KIAA1549L: variants seen among roughly 807,000 people sequenced by gnomAD.
The protein encoded by KIAA1549L is UPF0606 protein KIAA1549L.
In KIAA1549L, 88 loss-of-function variants were observed where a neutral mutation model predicts 160.7. The observed-to-expected ratio is 0.55, with a 90% CI of 0.46 to 0.65. KIAA1549L has a LOEUF of 0.65. Among genes scored for constraint, KIAA1549L ranks in the 30% least tolerant of loss-of-function variants. KIAA1549L has a pLI of 0.00. For synonymous variants in KIAA1549L, 950 were observed against 976.7 expected (o/e 0.97, Z 0.51); for missense variants, 2,258 against 2,437.5 (o/e 0.93, Z 1.55).
At chr11:33,650,706 T>G (rs544167018) in intron 17 of KIAA1549L, among the ~76,000 whole-genome samples, 1 of 152,306 alleles carries the variant, frequency 6.6e-6, no homozygotes, top group African/African-American at 2.4e-5. Flanking sequence ...GAGCTCACTC[T>G]GTCCCTTGCT....
In KIAA1549L at chr11:33,606,778, A is replaced by C. The variant is rs199776321; in HGVS notation, c.5017A>C (p.Thr1673Pro). The C allele has an allele frequency of 7.7e-4, 1,235 of 1,612,546 alleles. 12 individuals carry two copies. The Middle Eastern group carries it at 0.012, about 16-fold the overall frequency. ...KPTALPMVPP[T>P]SDRSQESSAV... ...CACAGCCCTCCCCATGGTGCCCCCC[A>C]CCTCGGACAGGAGCCAGGAGTCATC... The change falls in exon 14 of 21, where the codon ACC becomes CCC. Residue 1673 changes from threonine (T) to proline (P), a missense_variant. Thr to Pro is a conservative substitution (Grantham distance 38). Coordinates refer to ENST00000658780, the MANE Select transcript of KIAA1549L (RefSeq NM_012194.3).
rs762258815 is a variant in KIAA1549L, at chr11:33,543,238, C to T, written c.1675C>T (p.Arg559Trp). The change falls in exon 2 of 21, where the codon CGG becomes TGG. Residue 559 changes from arginine (R) to tryptophan (W), a missense_variant. By Grantham distance (101) the Arg-to-Trp change is moderately radical. Around this residue, in one of 6 missense-constraint regions of KIAA1549L, gnomAD observed 540 missense variants for 465.7 expected, o/e 1.16. Coordinates refer to ENST00000658780, the MANE Select transcript of KIAA1549L (RefSeq NM_012194.3). ...NLLSTSWTFP[R>W]WKKDSVTAIL... The stretch of plus-strand genomic sequence containing the variant: ...TCTTTCCACATCTTGGACATTTCCC[C>T]GGTGGAAAAAGGACAGTGTGACAGC... 62 of 1,613,882 alleles carry T rather than the reference C, an allele frequency of 3.8e-5. No homozygotes were observed. In the Admixed American group the frequency reaches 5.8e-4, roughly 15 times the overall value.
chr11:33,634,267 T>G (rs1851381094), intron 16 of KIAA1549L, among the ~76,000 whole-genome samples: 1 of 144,452 alleles, frequency 6.9e-6, no homozygotes. Context: ...TATCTGGAAC[T>G]CCTGACCTCA....
rs567637992 is a variant in KIAA1549L at position 33,542,319 on chromosome 11, T to A, written c.756T>A (p.Ala252=). The A allele has an allele frequency of 1.5e-6, 1 of 680,318 alleles. No homozygotes were observed. The highest frequency in any genetic ancestry group is 2.7e-5 in the East Asian group (1 of 36,762). 42.1% of individuals were successfully genotyped at this position (680,318 alleles called of 1,614,324 possible). A position where few individuals can be genotyped will look rare whatever the true frequency, so the allele number is the denominator to read the frequency against. The part of the protein sequence containing the change: ...LLPLPPSSSL[A]PDSPHSIISE... The stretch of plus-strand genomic sequence containing the variant: ...CTCTACCTCCATCCTCTTCATTGGC[T>A]CCTGACTCACCTCATTCCATCATCT... Residue 252 remains alanine (A), a synonymous_variant, in exon 2 of 21, where the codon GCT becomes GCA. Coordinates refer to ENST00000658780, the MANE Select transcript of KIAA1549L (RefSeq NM_012194.3).
At chr11:33,550,326 A>G (rs1014394403) in intron 4 of KIAA1549L, among the ~76,000 whole-genome samples, 1 of 151,070 alleles carries the variant, frequency 6.6e-6, no homozygotes, top group Non-Finnish European at 1.5e-5. Flanking sequence ...TATATTTAAT[A>G]TATAAAAACC....
chr11:33,612,557 A>G (rs1590397148), intron 15 of KIAA1549L, among the ~76,000 whole-genome samples: 1 of 151,668 alleles, frequency 6.6e-6, no homozygotes, highest in Non-Finnish European at 1.5e-5. Context: ...GCGCCCAGCC[A>G]ACCATTCTTG....
At chr11:33,614,567 TATATATATATATATA>T (rs1850749756) in intron 15 of KIAA1549L, among the ~76,000 whole-genome samples, 4 of 19,534 alleles carry the variant, frequency 2.0e-4, no homozygotes, top group African/African-American at 1.7e-3. Flanking sequence ...TATATATATA[TATATATATATATATA>T]TATTTTTTTT....
chr11:33,475,840 G>C (rs1852274191), intron 1 of KIAA1549L, among the ~76,000 whole-genome samples: 1 of 152,156 alleles, frequency 6.6e-6, no homozygotes, highest in Admixed American at 6.6e-5. Flanking sequence ...CTGGGTGACA[G>C]AGTGAGACTG....
At chr11:33,559,401 G>C (rs1038939704) in intron 6 of KIAA1549L, among the ~76,000 whole-genome samples, 21 of 152,168 alleles carry the variant, frequency 1.4e-4, no homozygotes, top group Non-Finnish European at 2.5e-4. Context: ...CAAATCACCT[G>C]GGTTCAAATC....
chr11:33,461,976 CTG>C (rs1851951336), intron 1 of KIAA1549L, among the ~76,000 whole-genome samples: 1 of 152,188 alleles, frequency 6.6e-6, no homozygotes, highest in Admixed American at 6.5e-5. Flanking sequence ...CTCTCCCATG[CTG>C]TAGTCAAAAT....
intron 8 of KIAA1549L, among the ~76,000 whole-genome samples, chr11:33,565,572 G>A (rs1198304944): frequency 1.3e-5 from 2 of 152,174 alleles, no homozygotes; most frequent in Admixed American, 6.5e-5. Flanking sequence ...CCCAAATCCA[G>A]CTCTTCCCCA....
chr11:33,522,373 T>A (rs1853516529), intron 1 of KIAA1549L, among the ~76,000 whole-genome samples: 9 of 152,224 alleles, frequency 5.9e-5, no homozygotes, highest in Admixed American at 5.9e-4. Context: ...AATTAAGAAT[T>A]AATAATAGTA....
intron 16 of KIAA1549L, among the ~76,000 whole-genome samples, chr11:33,638,864 C>A (rs1248811668): frequency 6.6e-6 from 1 of 152,074 alleles, no homozygotes; most frequent in African/African-American, 2.4e-5. Flanking sequence ...TTCCTTATTC[C>A]TAATGATGTT....
chr11:33,388,003 T>C (rs541132860), intron 1 of KIAA1549L, among the ~76,000 whole-genome samples: 75 of 152,324 alleles, frequency 4.9e-4, no homozygotes, highest in African/African-American at 1.7e-3. Flanking sequence ...TCAATCTTCA[T>C]TGGATTTTAA....
In KIAA1549L at chr11:33,568,246, A is replaced by G. The variant is rs764168614; in HGVS notation, c.4230+19A>G. ...TGTGCAGGTAGGTGTATACAGAGCC[A>G]CTGGGGTTTTCTAATAACTGGGGGT... On this transcript the variant is annotated intron_variant, in intron 9 of 20. Coordinates refer to ENST00000658780, the MANE Select transcript of KIAA1549L (RefSeq NM_012194.3). 17 of 1,590,144 alleles carry G rather than the reference A, an allele frequency of 1.1e-5. No homozygotes were observed. Among genetic ancestry groups the G allele is most frequent in the Non-Finnish European group, 1.4e-5 (16 of 1,165,552 alleles).
rs969751806 is a variant in KIAA1549L, at chr11:33,384,957, A to T, written c.238+8068A>T. Among the ~76,000 whole-genome samples the T allele has an allele frequency of 8.4e-3, 1,201 of 142,156 alleles. 15 individuals are homozygous for T. Among genetic ancestry groups the T allele is most frequent in the Non-Finnish European group, 0.011 (703 of 65,604 alleles). 93.3% of individuals were successfully genotyped at this position (142,156 alleles called of 152,430 possible). On this transcript the variant is annotated intron_variant, in intron 1 of 20. Transcript: ENST00000658780. ...TTTTTGTTTTTTGTTTTTTTTTTTT[A>T]AAAGGAGAGAAGTTTTAAATTTAGA...
In KIAA1549L at chr11:33,673,423, C is replaced by G. The variant is rs1283824932; in HGVS notation, c.*5269C>G. 1.3e-5 allele frequency: 2 copies of G among 152,104 alleles called. No homozygotes were observed. Among genetic ancestry groups the G allele is most frequent in the African/African-American group, 2.4e-5 (1 of 41,382 alleles). 9.4% of individuals were successfully genotyped at this position (152,104 alleles called of 1,614,324 possible). On this transcript the variant is annotated 3_prime_UTR_variant, in exon 21 of 21. Coordinates refer to ENST00000658780, the MANE Select transcript of KIAA1549L (RefSeq NM_012194.3). ...TTTAAACACGCCCCCATCTCACACA[C>G]AAACTGAGAAAAGATTTGTATCAAA...
intron 16 of KIAA1549L, among the ~76,000 whole-genome samples, chr11:33,632,997 CAG>C (rs1851339516): frequency 6.6e-6 from 1 of 150,756 alleles, no homozygotes. Context: ...GTTTTTGAGA[CAG>C]AGTTTCATTC....
chr11:33,575,190 C>T (rs1455427010), intron 10 of KIAA1549L, among the ~76,000 whole-genome samples: 1 of 152,196 alleles, frequency 6.6e-6, no homozygotes, highest in African/African-American at 2.4e-5. Context: ...TAAAGATAAT[C>T]TGATTCAACA....
Sources: gnomAD v4.1 joint callset for allele counts (sites outside exome capture counted in the v4.1 genomes callset) on GRCh38, gnomAD v4.1.1 for gene constraint, gnomAD v4.1.1 regional missense constraint, MANE v1.5 for transcripts, NCBI Gene and HGNC (gene_info 2026-07-23, HGNC 2026-07-21) for gene names.